The following HS3ST4 variants were observed in gnomAD, a reference collection of about 807,000 sequenced individuals.
HS3ST4 encodes heparan sulfate-glucosamine 3-sulfotransferase 4.
A neutral mutation model predicts 29.2 loss-of-function variants in HS3ST4; 17 were observed. The observed-to-expected ratio is 0.58, with a 90% CI of 0.40 to 0.87. The LOEUF (loss-of-function observed/expected upper bound fraction) is 0.87. Ranked by LOEUF, HS3ST4 falls within the 40% of genes least tolerant of loss-of-function variation. HS3ST4 has a pLI of 0.00. For missense variants in HS3ST4, 627 were observed against 634.5 expected (o/e 0.99, Z 0.13); for synonymous variants, 314 against 285.7 (o/e 1.10, Z -1.00).
chr16:26,043,585 G>T (rs1451035357), intron 1 of HS3ST4, among the ~76,000 whole-genome samples: 3 of 152,094 alleles, frequency 2.0e-5, no homozygotes, highest in Admixed American at 1.3e-4. Context: ...CCAGATGTCG[G>T]GTATCAGACA....
At chr16:25,928,950 C>A (rs1022164436) in intron 1 of HS3ST4, among the ~76,000 whole-genome samples, 1 of 152,096 alleles carries the variant, frequency 6.6e-6, no homozygotes, top group African/African-American at 2.4e-5. Context: ...TGGGAGAGAG[C>A]ATTTAGAGAA....
At chr16:25,855,292 C>A (rs1225152542) in intron 1 of HS3ST4, among the ~76,000 whole-genome samples, 4 of 152,134 alleles carry the variant, frequency 2.6e-5, no homozygotes, top group South Asian at 4.1e-4. Context: ...TAGCAGACTT[C>A]AGAGAGAATA....
chr16:25,881,407 G>A (rs1352167110), intron 1 of HS3ST4, among the ~76,000 whole-genome samples: 1 of 152,116 alleles, frequency 6.6e-6, no homozygotes, highest in Non-Finnish European at 1.5e-5. Context: ...TTTGTTCAGT[G>A]TTTATTAGAC....
At chr16:25,708,773 T>G (rs1382418452) in intron 1 of HS3ST4, among the ~76,000 whole-genome samples, 2 of 152,172 alleles carry the variant, frequency 1.3e-5, no homozygotes, top group African/African-American at 4.8e-5. Context: ...GTGTCAAAAG[T>G]TCCTTCCTTC....
chr16:25,851,074 A>G (rs1407784173), intron 1 of HS3ST4, among the ~76,000 whole-genome samples: 1 of 152,136 alleles, frequency 6.6e-6, no homozygotes, highest in Non-Finnish European at 1.5e-5. Context: ...ACTCAAGGAA[A>G]AGTTTTCCAA....
At chr16:25,794,896 TACACACACACACACACACAC>T (rs59740575) in intron 1 of HS3ST4, among the ~76,000 whole-genome samples, 3 of 136,680 alleles carry the variant, frequency 2.2e-5, no homozygotes, top group Non-Finnish European at 4.7e-5. Flanking sequence ...TACTCAAGAA[TACACACACACACACACACAC>T]ACACACACAC....
chr16:26,055,929 G>A (rs1395295355), intron 1 of HS3ST4, among the ~76,000 whole-genome samples: 3 of 151,982 alleles, frequency 2.0e-5, no homozygotes, highest in East Asian at 1.9e-4. Context: ...TACAGGGTTC[G>A]GGCTCACTGG....
chr16:26,086,317 T>G (rs1596675705), intron 1 of HS3ST4, among the ~76,000 whole-genome samples: 1 of 151,938 alleles, frequency 6.6e-6, no homozygotes, highest in Non-Finnish European at 1.5e-5. Flanking sequence ...ACTATGAAGG[T>G]GAAGATTTTT....
In HS3ST4 at chr16:25,891,379, G is replaced by C. The variant is rs529809455; in HGVS notation, c.734+198228G>C. 2.6e-5 allele frequency among the ~76,000 whole-genome samples: 4 copies of C among 152,272 alleles called. No homozygotes were observed. In the East Asian group the frequency reaches 5.8e-4, roughly 22 times the overall value. ...ATTTAGGAGGGCGTCTCTGCTTCCT[G>C]GTGGCTGGGACTTCAGCTGGGCAAA... On this transcript the variant is annotated intron_variant, in intron 1 of 1. Coordinates refer to ENST00000331351, the MANE Select transcript of HS3ST4 (RefSeq NM_006040.3).
intron 1 of HS3ST4, among the ~76,000 whole-genome samples, chr16:26,126,044 A>T (rs545436905): frequency 6.6e-6 from 1 of 152,298 alleles, no homozygotes; most frequent in Admixed American, 6.5e-5. Context: ...CTTGAAATTC[A>T]TGTTGCTACT....
intron 1 of HS3ST4, among the ~76,000 whole-genome samples, chr16:25,804,768 G>A (rs1265682677): frequency 1.3e-5 from 2 of 151,942 alleles, no homozygotes; most frequent in Non-Finnish European, 2.9e-5. Flanking sequence ...GTTTTATCCT[G>A]TCCTCCCTTA....
intron 1 of HS3ST4, among the ~76,000 whole-genome samples, chr16:26,093,892 G>C (rs1412398319): frequency 6.6e-6 from 1 of 152,206 alleles, no homozygotes; most frequent in African/African-American, 2.4e-5. Context: ...TGGCTAACTA[G>C]AATAAACAGT....
intron 1 of HS3ST4, among the ~76,000 whole-genome samples, chr16:26,098,920 C>T (rs984973882): frequency 1.1e-4 from 16 of 151,982 alleles, no homozygotes; most frequent in African/African-American, 2.7e-4. Flanking sequence ...CCTGCGGATA[C>T]GGTTCAGGCA....
At chr16:25,929,297 A>G (rs8049570) in intron 1 of HS3ST4, among the ~76,000 whole-genome samples, 55,739 of 151,778 alleles carry the variant, frequency 0.37, 13,116 homozygotes, top group East Asian at 0.74. Context: ...CAGGAGAATC[A>G]CTGGAATCCG....
chr16:25,991,388 C>T (rs373389216), intron 1 of HS3ST4, among the ~76,000 whole-genome samples: 14 of 152,158 alleles, frequency 9.2e-5, no homozygotes, highest in African/African-American at 3.1e-4. Flanking sequence ...TTGACACCTA[C>T]TGAAAGAAAA....
intron 1 of HS3ST4, among the ~76,000 whole-genome samples, chr16:25,926,506 C>G (rs1435901223): frequency 2.0e-5 from 3 of 152,196 alleles, no homozygotes; most frequent in Non-Finnish European, 2.9e-5. Context: ...TTCACTTGAT[C>G]TAGAACAAAC....
chr16:26,135,675 G>GTT lies in HS3ST4; in HGVS notation c.798_799insTT (p.Thr267LeufsTer18). The GTT allele has an allele frequency of 6.2e-7, 1 of 1,613,756 alleles. No individual in the cohort carries two copies. Among genetic ancestry groups the GTT allele is most frequent in the Non-Finnish European group, 8.5e-7 (1 of 1,179,814 alleles). The stretch of plus-strand genomic sequence containing the variant: ...TGGAGAAGACTCCAAGTTACTTTGT[G>GTT]ACAAATGAGGCTCCCAAGCGCATTC... On this transcript the variant is annotated frameshift_variant, in exon 2 of 2. Transcript: ENST00000331351. LOFTEE classifies it high-confidence loss of function.
rs536691663 is a variant in HS3ST4, at chr16:25,855,523, C to G, written c.734+162372C>G. ...AGAGTTTGCTATCTGTTATGTGATG[C>G]TATACCAGAGTCAGATTGGAATTTG... On this transcript the variant is annotated intron_variant, in intron 1 of 1. Transcript: ENST00000331351. Among the ~76,000 whole-genome samples, 5 of 152,226 alleles carry G rather than the reference C, an allele frequency of 3.3e-5. No homozygotes were observed. In the South Asian group the frequency reaches 1.0e-3, roughly 32 times the overall value.
intron 1 of HS3ST4, among the ~76,000 whole-genome samples, chr16:25,730,943 C>T (rs914250298): frequency 6.6e-6 from 1 of 152,158 alleles, no homozygotes; most frequent in South Asian, 2.1e-4. Flanking sequence ...TGAAATGACA[C>T]ACATTAAAAT....
Sources: gnomAD v4.1 joint callset for allele counts (sites outside exome capture counted in the v4.1 genomes callset) on GRCh38, gnomAD v4.1.1 for gene constraint, MANE v1.5 for transcripts, NCBI Gene and HGNC (gene_info 2026-07-23, HGNC 2026-07-21) for gene names.